The following TACC1 variants were observed in gnomAD, a reference collection of about 807,000 sequenced individuals.
The protein encoded by TACC1 is transforming acidic coiled-coil containing protein 1.
Under a neutral mutation model 84.4 loss-of-function variants are expected in TACC1, and 48 were observed. The observed-to-expected ratio is 0.57, with a 90% CI of 0.45 to 0.72. The LOEUF is 0.72. Ranked by LOEUF, TACC1 falls within the 30% of genes least tolerant of loss-of-function variation. The pLI is 0.00. For synonymous variants in TACC1, 372 were observed against 376.3 expected (o/e 0.99, Z 0.13); for missense variants, 920 against 973.0 (o/e 0.95, Z 0.72).
intron 3 of TACC1, among the ~76,000 whole-genome samples, chr8:38,778,983 T>TC (rs1036552760): frequency 2.0e-5 from 3 of 151,646 alleles, no homozygotes; most frequent in Admixed American, 6.6e-5. Flanking sequence ...TTTTTTTTTT[T>TC]TTTTCTTTTC....
chr8:38,851,575 C>A lies in TACC1; in HGVS notation c.*3552C>A. The A allele has an allele frequency of 5.2e-6, 1 of 191,934 alleles. No homozygotes were observed. The highest frequency in any genetic ancestry group is 1.1e-5 in the Non-Finnish European group (1 of 90,200). 11.9% of individuals were successfully genotyped at this position (191,934 alleles called of 1,614,324 possible). A position where few individuals can be genotyped will look rare whatever the true frequency, so the allele number is the denominator to read the frequency against. Reference sequence around the variant, plus strand: ...TTTAGTGGAGTGAAAGTTCTGAAGCCCCCTTTTAACTTCCTCTTGGTTTTT... The same window carrying A: ...TTTAGTGGAGTGAAAGTTCTGAAGCACCCTTTTAACTTCCTCTTGGTTTTT... On this transcript the variant is annotated 3_prime_UTR_variant, in exon 13 of 13. Coordinates refer to ENST00000317827, the MANE Select transcript of TACC1 (RefSeq NM_006283.3).
Position 38,750,614 on chromosome 8 carries a change from C to A in TACC1, c.26+5121C>A, listed in dbSNP as rs560245110. On this transcript the variant is annotated intron_variant, in intron 3 of 14. Coordinates refer to the TACC1 transcript ENST00000518415. ...GTACAAGGTTGCAGGATAAAATATA[C>A]AAAAATCAATTCAAGGTTGCAGGAT... Among the ~76,000 whole-genome samples, 154 of 152,236 alleles carry A rather than the reference C, an allele frequency of 1.0e-3. 1 individual carries two copies. Among genetic ancestry groups the A allele is most frequent in the African/African-American group, 3.5e-3 (144 of 41,546 alleles).
chr8:38,748,292 A>G (rs1808423891), intron 3 of TACC1, among the ~76,000 whole-genome samples: 1 of 152,162 alleles, frequency 6.6e-6, no homozygotes, highest in Admixed American at 6.5e-5. Flanking sequence ...TTTGTGCCTA[A>G]TAATAGTCTC....
At chr8:38,818,386 A>G (rs573505539) in intron 2 of TACC1, among the ~76,000 whole-genome samples, 53 of 152,186 alleles carry the variant, frequency 3.5e-4, no homozygotes, top group Middle Eastern at 3.4e-3. Context: ...TTTCTGTGCT[A>G]CTCTTGTTTC....
intron 6 of TACC1, among the ~76,000 whole-genome samples, chr8:38,832,063 T>C (rs1829369922): frequency 6.6e-6 from 1 of 152,248 alleles, no homozygotes; most frequent in Admixed American, 6.5e-5. Context: ...TGCCTTGGCC[T>C]CCTGAAGTGC....
In TACC1 at chr8:38,812,678, C is replaced by T. The variant is rs62506672; in HGVS notation, c.278-6844C>T. Among the ~76,000 whole-genome samples the T allele has an allele frequency of 7.1e-3, 1,089 of 152,324 alleles. 7 individuals are homozygous for T. Among genetic ancestry groups the T allele is most frequent in the Non-Finnish European group, 0.011 (782 of 68,022 alleles). On this transcript the variant is annotated intron_variant, in intron 2 of 12. Transcript: ENST00000317827. ...CTGCTGCTTAAAAACTCATGGCTTC[C>T]TGTTGCTCTTAGAATAGAACCAGAT...
chr8:38,793,278 A>G (rs902758612), intron 2 of TACC1, among the ~76,000 whole-genome samples: 2 of 152,204 alleles, frequency 1.3e-5, no homozygotes, highest in African/African-American at 2.4e-5. Context: ...GGGAATGCCA[A>G]GTTGTTTGTT....
chr8:38,733,954 G>T (rs16887728), intron 1 of TACC1, among the ~76,000 whole-genome samples: 1 of 152,070 alleles, frequency 6.6e-6, no homozygotes, highest in Non-Finnish European at 1.5e-5. Flanking sequence ...CTCCTTAGAC[G>T]TCCCTGCCTC....
chr8:38,780,518 G>T (rs1815729136), intron 3 of TACC1, among the ~76,000 whole-genome samples: 2 of 151,842 alleles, frequency 1.3e-5, no homozygotes, highest in African/African-American at 4.8e-5. Flanking sequence ...CTTTTCCTGG[G>T]CTTTCTGTTC....
At chr8:38,815,960 TAA>T (rs74872955) in intron 2 of TACC1, among the ~76,000 whole-genome samples, 43 of 128,892 alleles carry the variant, frequency 3.3e-4, no homozygotes, top group Middle Eastern at 3.9e-3. Context: ...AGACCATGTT[TAA>T]AAAAAAAAAA....
intron 3 of TACC1, among the ~76,000 whole-genome samples, chr8:38,768,865 G>A (rs1374735514): frequency 6.6e-6 from 1 of 150,620 alleles, no homozygotes; most frequent in Non-Finnish European, 1.5e-5. Flanking sequence ...TGGTGTGTGT[G>A]AGACTGTGTA....
In TACC1 at chr8:38,827,272, T is replaced by G; in HGVS notation, c.1557T>G (p.Ala519=). 6.2e-7 allele frequency: 1 copy of G among 1,614,224 alleles called. No individual in the cohort carries two copies. Among genetic ancestry groups the G allele is most frequent in the South Asian group, 1.1e-5 (1 of 91,092 alleles). ...CCACGTCATGTGGTCAGAAATCAGCTGGTGCCGAGGTGAAAGGTGAGCCAG... is the reference window on the plus strand; with the variant it reads ...CCACGTCATGTGGTCAGAAATCAGCGGGTGCCGAGGTGAAAGGTGAGCCAG... The part of the protein sequence containing the change: ...LASTSCGQKS[A]GAEVKGEPEE... The change falls in exon 5 of 13, where the codon GCT becomes GCG. Residue 519 remains alanine, a synonymous_variant. Transcript: ENST00000317827.
chr8:38,840,185 A>G, intron 8 of TACC1, 39 bp from the exon 9 acceptor site: 2 of 1,521,354 alleles, frequency 1.3e-6, no homozygotes, highest in Non-Finnish European at 1.8e-6. Context: ...ATTGTCTGAA[A>G]ATCCTCCTCT....
Position 38,852,552 on chromosome 8 carries a change from T to C in TACC1, c.*4529T>C, listed in dbSNP as rs910785423. 3 of 152,668 alleles carry C rather than the reference T, an allele frequency of 2.0e-5. No homozygotes were observed. Among genetic ancestry groups the C allele is most frequent in the Admixed American group, 2.0e-4 (3 of 15,282 alleles). The allele number at this position is 152,668 out of a possible 1,614,324, so 9.5% of individuals were successfully genotyped here. A position where few individuals can be genotyped will look rare whatever the true frequency, so the allele number is the denominator to read the frequency against. On this transcript the variant is annotated 3_prime_UTR_variant, in exon 13 of 13. Coordinates refer to ENST00000317827, the MANE Select transcript of TACC1 (RefSeq NM_006283.3). Reference sequence around the variant, plus strand: ...AATTTTCAGATGGACATGTACAAATTTGAACTCAAACCATCCCCAGTCCAG... The same window carrying C: ...AATTTTCAGATGGACATGTACAAATCTGAACTCAAACCATCCCCAGTCCAG...
Position 38,819,580 on chromosome 8 carries a change from G to T in TACC1, c.336G>T (p.Lys112Asn), listed in dbSNP as rs1220043318. The part of the protein sequence containing the change: ...VAEVVEKCSS[K>N]TCSKPSENEV... ...AAGTGGTTGAAAAATGTTCATCTAA[G>T]ACTTGTTCTAAACCTTCAGAAAATG... is the stretch of plus-strand genomic sequence containing the variant. The change falls in exon 3 of 13, where the codon AAG (lysine) becomes AAT (asparagine). Residue 112 changes from lysine (K) to asparagine (N), a missense_variant. This residue lies in a region of TACC1 where 762 missense variants were observed against 747.3 expected (regional missense o/e 1.02). Transcript: ENST00000317827. 1 of 1,614,086 alleles carries T rather than the reference G, an allele frequency of 6.2e-7. No individual in the cohort carries two copies. Among genetic ancestry groups the T allele is most frequent in the Non-Finnish European group, 8.5e-7 (1 of 1,180,034 alleles).
intron 2 of TACC1, among the ~76,000 whole-genome samples, chr8:38,811,229 G>A (rs1036178784): frequency 2.1e-5 from 2 of 96,036 alleles, no homozygotes; most frequent in African/African-American, 8.2e-5. Flanking sequence ...ACATGTCCAA[G>A]GCTAAACCCA....
intron 3 of TACC1, among the ~76,000 whole-genome samples, chr8:38,757,871 C>T (rs77712923): frequency 3.0e-4 from 45 of 152,340 alleles, no homozygotes; most frequent in Non-Finnish European, 5.6e-4. Flanking sequence ...AGAACTCCCT[C>T]TCTTGTTTGC....
chr8:38,772,942 A>G (rs903459791), intron 3 of TACC1, among the ~76,000 whole-genome samples: 2 of 152,186 alleles, frequency 1.3e-5, no homozygotes, highest in African/African-American at 2.4e-5. Flanking sequence ...ATTAAGGTTT[A>G]TAATATTAAG....
At chr8:38,744,180 C>A (rs1807613206) in intron 2 of TACC1, 1 of 152,360 alleles carries the variant, frequency 6.6e-6, no homozygotes, top group Admixed American at 6.5e-5. Context: ...AGTATCACAG[C>A]CAGCAGGGAA....
Sources: gnomAD v4.1 joint callset for allele counts (sites outside exome capture counted in the v4.1 genomes callset) on GRCh38, gnomAD v4.1.1 for gene constraint, gnomAD v4.1.1 regional missense constraint, MANE v1.5 for transcripts, NCBI Gene and HGNC (gene_info 2026-07-23, HGNC 2026-07-21) for gene names.